The following PRKN variants were observed in gnomAD, a reference collection of about 807,000 sequenced individuals.
PRKN encodes E3 ubiquitin-protein ligase parkin.
A neutral mutation model predicts 59.5 loss-of-function variants in PRKN; 56 were observed. The ratio of observed to expected loss-of-function variants is 0.94; its 90% CI spans 0.76 to 1.18. The LOEUF is 1.18. Among genes scored for constraint, PRKN ranks in the 50% most tolerant of loss-of-function variants. The pLI is 0.00. For synonymous variants in PRKN, 250 were observed against 222.1 expected (o/e 1.13, Z -1.12); for missense variants, 657 against 596.4 (o/e 1.10, Z -1.06).
chr6:161,777,036 G>A (rs1025947898), intron 7 of PRKN, among the ~76,000 whole-genome samples: 1 of 152,144 alleles, frequency 6.6e-6, no homozygotes, highest in African/African-American at 2.4e-5. Context: ...GATTAGGAAC[G>A]CAGGCGCTAG....
At chr6:162,519,601 T>C (rs1322796934) in intron 1 of PRKN, among the ~76,000 whole-genome samples, 1 of 152,194 alleles carries the variant, frequency 6.6e-6, no homozygotes, top group Non-Finnish European at 1.5e-5. Context: ...ACTGATATAA[T>C]ACTGACTTCT....
rs1790903863 is a variant in PRKN at position 161,473,584 on chromosome 6, T to C, written c.1083+75270A>G. ...GGTTACCGGAAGTGGTGGGGGGAAT[T>C]GTGGCAGAAAATGGGGAGATATGGG... On this transcript the variant is annotated intron_variant, in intron 9 of 11. Coordinates refer to ENST00000366898, the MANE Select transcript of PRKN (RefSeq NM_004562.3). This position sits in a 1 kb window ranked among gnomAD's most constrained non-coding sequence, Gnocchi z 4.1. 6.6e-6 allele frequency among the ~76,000 whole-genome samples: 1 copy of C among 151,658 alleles called. No homozygotes were observed. The highest frequency in any genetic ancestry group is 1.5e-5 in the Non-Finnish European group (1 of 67,930).
At chr6:161,855,231 G>A (rs539399807) in intron 6 of PRKN, among the ~76,000 whole-genome samples, 25 of 152,262 alleles carry the variant, frequency 1.6e-4, no homozygotes, top group African/African-American at 5.5e-4. Flanking sequence ...TCAGGGTGGG[G>A]TTTTGGGCAC....
rs1785365185 is a variant in PRKN at position 161,369,753 on chromosome 6, T to C, written c.1168-9548A>G. 2.0e-5 allele frequency among the ~76,000 whole-genome samples: 3 copies of C among 151,938 alleles called. No individual in the cohort carries two copies. The South Asian group carries it at 6.2e-4, about 32-fold the overall frequency. Reference sequence around the variant, plus strand: ...TGAAAATAGCGATTTCATAAATATATATATGAAACATCTATAATATACTTA... The same window carrying C: ...TGAAAATAGCGATTTCATAAATATACATATGAAACATCTATAATATACTTA... On this transcript the variant is annotated intron_variant, in intron 10 of 11. Coordinates refer to ENST00000366898, the MANE Select transcript of PRKN (RefSeq NM_004562.3). The surrounding 1 kb of genome is among the most constrained non-coding windows in gnomAD (Gnocchi z 5.8).
At chr6:162,021,298 A>ACAAG (rs1562465786) in intron 5 of PRKN, among the ~76,000 whole-genome samples, 1 of 143,284 alleles carries the variant, frequency 7.0e-6, no homozygotes, top group African/African-American at 2.5e-5. Flanking sequence ...CCACACTTAA[A>ACAAG]TGACTAAAAA....
chr6:161,785,797 TTGA>T lies in PRKN; in HGVS notation c.843_845del (p.Gln282del). The T allele has an allele frequency of 6.2e-7, 1 of 1,614,074 alleles. No individual in the cohort carries two copies. ...CCACACAAGGCAGGGAGTAGCCAAG[TTGA>T]GGGTCGTGAACAAACTGCCGATCAT... On this transcript the variant is annotated inframe_deletion, in exon 7 of 12. Coordinates refer to ENST00000366898, the MANE Select transcript of PRKN (RefSeq NM_004562.3).
rs1249024618 is a variant in PRKN, at chr6:162,163,664, T to TTATG, written c.534+37466_534+37467insCATA. ...GATCTAGAAAAGGATCACAACACAT[T>TTATG]GCACTGCCCTGAGCAGTCCCATAAA... On this transcript the variant is annotated intron_variant, in intron 4 of 11. Transcript: ENST00000366898. Among the ~76,000 whole-genome samples the TTATG allele has an allele frequency of 3.4e-5, 5 of 149,128 alleles. 1 individual carries two copies. Among genetic ancestry groups the TTATG allele is most frequent in the African/African-American group, 5.0e-5 (2 of 39,630 alleles).
intron 1 of PRKN, among the ~76,000 whole-genome samples, chr6:162,479,781 G>T (rs1408668194): frequency 2.9e-5 from 4 of 140,246 alleles, no homozygotes; most frequent in African/African-American, 5.2e-5. Context: ...AAAATAATTA[G>T]TAGGAGCCAG....
In PRKN at chr6:161,578,097, T is replaced by C. The variant is rs1440752694; in HGVS notation, c.872-8681A>G. 6.6e-6 allele frequency among the ~76,000 whole-genome samples: 1 copy of C among 151,904 alleles called. No homozygotes were observed. The highest frequency in any genetic ancestry group is 1.5e-5 in the Non-Finnish European group (1 of 67,990). On this transcript the variant is annotated intron_variant, in intron 7 of 11. Coordinates refer to ENST00000366898, the MANE Select transcript of PRKN (RefSeq NM_004562.3). This position sits in a 1 kb window ranked among gnomAD's most constrained non-coding sequence, Gnocchi z 4.2. The stretch of plus-strand genomic sequence containing the variant: ...CGCACACCAACAAACCAAGTAGATG[T>C]AGAAAGAGCCAAGTGAGCAGAGAGC...
chr6:161,402,526 G>A lies in PRKN; in HGVS notation c.1084-15649C>T, dbSNP rs1787095116. On this transcript the variant is annotated intron_variant, in intron 9 of 11. Transcript: ENST00000366898. The surrounding 1 kb of genome is among the most constrained non-coding windows in gnomAD (Gnocchi z 4.5). ...ACATGAGAGACATTCTGGAAGCTGT[G>A]GGGGAGCAAAAGATGGCTTCCCTCT... Among the ~76,000 whole-genome samples the A allele has an allele frequency of 6.6e-6, 1 of 152,084 alleles. No homozygotes were observed. Among genetic ancestry groups the A allele is most frequent in the Admixed American group, 6.6e-5 (1 of 15,250 alleles).
At chr6:161,881,146 C>T (rs923603935) in intron 6 of PRKN, among the ~76,000 whole-genome samples, 1 of 152,160 alleles carries the variant, frequency 6.6e-6, no homozygotes, top group Non-Finnish European at 1.5e-5. Context: ...CCACAGAATT[C>T]GAAGACCTTG....
chr6:162,468,927 G>C (rs1791571811), intron 1 of PRKN, among the ~76,000 whole-genome samples: 1 of 152,254 alleles, frequency 6.6e-6, no homozygotes, highest in South Asian at 2.1e-4. Context: ...CAGGATCCAA[G>C]AGATGATAGG....
intron 6 of PRKN, among the ~76,000 whole-genome samples, chr6:161,921,477 T>C (rs1778784175): frequency 6.6e-6 from 1 of 152,236 alleles, no homozygotes; most frequent in African/African-American, 2.4e-5. Flanking sequence ...TTATGTACTG[T>C]ACTTCATATG....
intron 4 of PRKN, among the ~76,000 whole-genome samples, chr6:162,087,459 AT>A (rs201749824): frequency 0.032 from 4,908 of 151,988 alleles, 124 homozygotes; most frequent in Non-Finnish European, 0.052. Context: ...GAATTTTATT[AT>A]TTTTTTAAAA....
At chr6:162,662,780 A>G (rs1193895375) in intron 1 of PRKN, among the ~76,000 whole-genome samples, 3 of 152,106 alleles carry the variant, frequency 2.0e-5, no homozygotes, top group African/African-American at 4.8e-5. Context: ...CCATTAATCT[A>G]TGTGTGTATT....
At chr6:161,955,199 A>G (rs1780127372) in intron 6 of PRKN, among the ~76,000 whole-genome samples, 1 of 151,526 alleles carries the variant, frequency 6.6e-6, no homozygotes, top group African/African-American at 2.4e-5. Flanking sequence ...TGTGGGGCTG[A>G]CTCGTGCTTT....
At chr6:162,044,162 T>C (rs1784169254) in intron 5 of PRKN, among the ~76,000 whole-genome samples, 1 of 152,230 alleles carries the variant, frequency 6.6e-6, no homozygotes, top group Non-Finnish European at 1.5e-5. Context: ...TCTTTTACTC[T>C]TTTTGTTCCT....
chr6:162,112,315 T>C (rs1241715471), intron 4 of PRKN, among the ~76,000 whole-genome samples: 1 of 152,204 alleles, frequency 6.6e-6, no homozygotes, highest in Non-Finnish European at 1.5e-5. Context: ...GGATTTGCTA[T>C]GAAACTGATA....
chr6:161,366,568 A>G (rs1582976624), intron 10 of PRKN, among the ~76,000 whole-genome samples: 2 of 152,352 alleles, frequency 1.3e-5, no homozygotes, highest in South Asian at 4.1e-4. Flanking sequence ...CTTGTGGTCG[A>G]ACTTAGCCAA....
Sources: gnomAD v4.1 joint callset for allele counts (sites outside exome capture counted in the v4.1 genomes callset) on GRCh38, gnomAD v4.1.1 for gene constraint, Gnocchi (gnomAD v3.1) non-coding constraint, MANE v1.5 for transcripts, NCBI Gene and HGNC (gene_info 2026-07-23, HGNC 2026-07-21) for gene names.